RIMS2: variants seen among roughly 807,000 people sequenced by gnomAD.
RIMS2 encodes the protein regulating synaptic membrane exocytosis protein 2.
In RIMS2, 59 loss-of-function variants were observed where a neutral mutation model predicts 174.4. The ratio of observed to expected loss-of-function variants is 0.34; its 90% CI spans 0.27 to 0.42. RIMS2 has a LOEUF of 0.42. RIMS2 is among the 10% of genes least tolerant of loss of function. The pLI, the probability that RIMS2 is intolerant of heterozygous loss-of-function variation, is 1.00. For synonymous variants in RIMS2, 606 were observed against 572.5 expected (o/e 1.06, Z -0.84); for missense variants, 1,620 against 1,666.3 (o/e 0.97, Z 0.48).
intron 1 of RIMS2, among the ~76,000 whole-genome samples, chr8:103,566,608 C>T (rs1015506168): frequency 6.6e-6 from 1 of 152,104 alleles, no homozygotes; most frequent in Admixed American, 6.5e-5. Context: ...GGATAGAAAC[C>T]TGTTCCTTCT....
chr8:103,955,214 A>C (rs1176811443), intron 14 of RIMS2, among the ~76,000 whole-genome samples: 6 of 152,200 alleles, frequency 3.9e-5, no homozygotes, highest in Admixed American at 2.0e-4. Flanking sequence ...TACCCCAAAC[A>C]GTAGAAAAAG....
intron 2 of RIMS2, among the ~76,000 whole-genome samples, chr8:103,703,340 T>G (rs2097189453): frequency 6.6e-6 from 1 of 152,088 alleles, no homozygotes; most frequent in South Asian, 2.1e-4. Context: ...CAGATTCACA[T>G]GATTCTCCTG....
At chr8:103,879,564 T>TA (rs1368217835) in intron 3 of RIMS2, among the ~76,000 whole-genome samples, 1 of 151,398 alleles carries the variant, frequency 6.6e-6, no homozygotes, top group Non-Finnish European at 1.5e-5. Context: ...ATCTGAGAGG[T>TA]AAAAAAATCA....
intron 1 of RIMS2, among the ~76,000 whole-genome samples, chr8:103,523,159 G>A (rs1229526686): frequency 1.3e-5 from 2 of 150,862 alleles, no homozygotes; most frequent in African/African-American, 4.9e-5. Flanking sequence ...CAGAGAGAGA[G>A]AAAAATGGGA....
At chr8:104,244,857 A>T (rs1444826128) in intron 19 of RIMS2, 59 bp from the exon 26 acceptor site, 106 of 1,406,748 alleles carry the variant, frequency 7.5e-5, no homozygotes, top group Non-Finnish European at 1.0e-4. Flanking sequence ...GCCTTCGCTG[A>T]TATTTCTTAC....
chr8:103,986,013 G>T (rs1384034877), intron 16 of RIMS2, among the ~76,000 whole-genome samples: 1 of 152,132 alleles, frequency 6.6e-6, no homozygotes, highest in Non-Finnish European at 1.5e-5. Context: ...AGAGGAATAA[G>T]TTCAAGAGAT....
At chr8:104,219,103 C>T (rs2099144148) in intron 19 of RIMS2, among the ~76,000 whole-genome samples, 1 of 151,860 alleles carries the variant, frequency 6.6e-6, no homozygotes, top group African/African-American at 2.4e-5. Context: ...ACTTTCTAGC[C>T]CTGTTAGAAT....
At chr8:104,190,346 T>A (rs780438507) in intron 19 of RIMS2, among the ~76,000 whole-genome samples, 2 of 150,674 alleles carry the variant, frequency 1.3e-5, no homozygotes, top group African/African-American at 2.4e-5. Flanking sequence ...TAAGGATCCT[T>A]ACTCCATCTT....
chr8:104,198,415 T>C (rs1160097785), intron 19 of RIMS2, among the ~76,000 whole-genome samples: 1 of 152,170 alleles, frequency 6.6e-6, no homozygotes, highest in Non-Finnish European at 1.5e-5. Flanking sequence ...AGAAGGAGAA[T>C]CTTATTCTAT....
At chr8:103,842,987 TC>T (rs1420981566) in intron 3 of RIMS2, among the ~76,000 whole-genome samples, 1 of 152,190 alleles carries the variant, frequency 6.6e-6, no homozygotes, top group Non-Finnish European at 1.5e-5. Context: ...AGTGTCTCTG[TC>T]CAAATTTCCT....
chr8:104,231,463 T>C (rs78212946), intron 19 of RIMS2, among the ~76,000 whole-genome samples: 1 of 152,188 alleles, frequency 6.6e-6, no homozygotes, highest in Admixed American at 6.5e-5. Flanking sequence ...TTCTTTCTAT[T>C]CTTCCTTTAC....
chr8:103,555,782 G>A (rs185049561), intron 1 of RIMS2, among the ~76,000 whole-genome samples: 10 of 138,952 alleles, frequency 7.2e-5, no homozygotes, highest in East Asian at 6.3e-4. Context: ...GTGTCAGAGC[G>A]AGACCCTCTC....
intron 19 of RIMS2, among the ~76,000 whole-genome samples, chr8:104,213,890 AGAAGAAGAAG>A (rs2099117565): frequency 8.6e-6 from 1 of 115,916 alleles, no homozygotes; most frequent in Non-Finnish European, 2.0e-5. Flanking sequence ...AAAAAAAAAA[AGAAGAAGAAG>A]AAGAAGAAGA....
chr8:104,119,679 C>T (rs551476069), intron 19 of RIMS2, among the ~76,000 whole-genome samples: 9 of 152,252 alleles, frequency 5.9e-5, no homozygotes, highest in African/African-American at 1.9e-4. Flanking sequence ...AGCCTGTCTT[C>T]TTTAGTAGTG....
In RIMS2 at chr8:104,068,493, G is replaced by A. The variant is rs2097141669; in HGVS notation, c.3334+53878G>A. 3.5e-6 allele frequency: 4 copies of A among 1,151,632 alleles called. No homozygotes were observed. Among genetic ancestry groups the A allele is most frequent in the East Asian group, 2.5e-5 (1 of 40,018 alleles). The allele number at this position is 1,151,632 out of a possible 1,614,324, so 71.3% of individuals were successfully genotyped here. A position where few individuals can be genotyped will look rare whatever the true frequency, so the allele number is the denominator to read the frequency against. ...TAAGAACTGAACATTAATTTTATGGGTTTTTTTCTACTCGATAGGTACTAT... is the reference window on the plus strand; with the variant it reads ...TAAGAACTGAACATTAATTTTATGGATTTTTTTCTACTCGATAGGTACTAT... On this transcript the variant is annotated intron_variant, in intron 19 of 23. Coordinates refer to ENST00000504942, the Ensembl canonical transcript of RIMS2.
Position 104,148,860 on chromosome 8 carries a change from A to G in RIMS2, c.3335-96056A>G. 6.3e-7 allele frequency: 1 copy of G among 1,593,964 alleles called. No homozygotes were observed. Among genetic ancestry groups the G allele is most frequent in the Non-Finnish European group, 8.5e-7 (1 of 1,176,482 alleles). ...GCTCAGCCAAACGGGTAGGAATTTC[A>G]ATGTTACTTTTAACTTGATATTTGA... is the stretch of plus-strand genomic sequence containing the variant. On this transcript the variant is annotated intron_variant, in intron 19 of 23. Transcript: ENST00000504942.
At position 103,608,527 on chromosome 8, in the gene RIMS2, G is replaced by C. The variant is rs565930746; in HGVS notation, c.177-88559G>C. Among the ~76,000 whole-genome samples, 2 of 139,270 alleles carry C rather than the reference G, an allele frequency of 1.4e-5. 1 individual carries two copies. The highest frequency in any genetic ancestry group is 3.1e-5 in the Non-Finnish European group (2 of 63,900). 91.4% of individuals were successfully genotyped at this position (139,270 alleles called of 152,430 possible). A position where few individuals can be genotyped will look rare whatever the true frequency, so the allele number is the denominator to read the frequency against. On this transcript the variant is annotated intron_variant, in intron 1 of 23. Coordinates refer to ENST00000504942, the Ensembl canonical transcript of RIMS2. ...AGCTGTGGTGGGCTCCACCCAGTTC[G>C]AGCTTCCCGCTGCTTTGTTTACCTA...
intron 17 of RIMS2, among the ~76,000 whole-genome samples, chr8:104,007,463 TAACA>T (rs1241418227): frequency 6.6e-6 from 1 of 152,212 alleles, no homozygotes; most frequent in Non-Finnish European, 1.5e-5. Context: ...ATTTTTTAAC[TAACA>T]TTTTACATAT....
rs1165221789 is a variant in RIMS2 at position 104,132,684 on chromosome 8, G to A, written c.3335-112232G>A. 4.6e-5 allele frequency among the ~76,000 whole-genome samples: 7 copies of A among 152,116 alleles called. No individual in the cohort carries two copies. In the East Asian group the frequency reaches 7.7e-4, roughly 17 times the overall value. On this transcript the variant is annotated intron_variant, in intron 19 of 23. Coordinates refer to ENST00000504942, the Ensembl canonical transcript of RIMS2. Reference sequence around the variant, plus strand: ...TTACCACAGCGTATCATACCTGTACGGTAAGGCAGAGTAACAGCTACATGC... The same window carrying A: ...TTACCACAGCGTATCATACCTGTACAGTAAGGCAGAGTAACAGCTACATGC...
Sources: allele counts gnomAD v4.1 joint callset (sites outside exome capture counted in the v4.1 genomes callset), GRCh38; gene constraint gnomAD v4.1.1; transcripts MANE v1.5; gene names NCBI Gene and HGNC (gene_info 2026-07-23, HGNC 2026-07-21).